The following DLG2 variants were observed in gnomAD, a reference collection of about 807,000 sequenced individuals.
The protein encoded by DLG2 is disks large homolog 2.
In DLG2, 45 loss-of-function variants were observed where a neutral mutation model predicts 132.5. The ratio of observed to expected loss-of-function variants is 0.34; its 90% CI spans 0.27 to 0.44. DLG2 has a LOEUF of 0.44. Ranked by LOEUF, DLG2 falls within the 20% of genes least tolerant of loss-of-function variation. DLG2 has a pLI of 1.00. For synonymous variants in DLG2, 424 were observed against 419.6 expected (o/e 1.01, Z -0.13); for missense variants, 1,045 against 1,196.9 (o/e 0.87, Z 1.87).
chr11:84,771,049 G>C (rs932527940), intron 6 of DLG2, among the ~76,000 whole-genome samples: 1 of 152,098 alleles, frequency 6.6e-6, no homozygotes, highest in African/African-American at 2.4e-5. Context: ...GGTTGATTCT[G>C]TCTTTTCTAT....
intron 6 of DLG2, among the ~76,000 whole-genome samples, chr11:85,012,987 G>C (rs2059279123): frequency 6.6e-6 from 1 of 152,090 alleles, no homozygotes; most frequent in Non-Finnish European, 1.5e-5. Flanking sequence ...GTTCATAGAA[G>C]GTCTTTTATC....
intron 8 of DLG2, among the ~76,000 whole-genome samples, chr11:84,218,255 A>AGGAG (rs1229661388): frequency 2.9e-5 from 4 of 140,106 alleles, no homozygotes; most frequent in Non-Finnish European, 3.2e-5. Context: ...GAAGGAAGGA[A>AGGAG]GGAGGGAGGG....
chr11:85,140,022 A>G (rs1362279649), intron 5 of DLG2, among the ~76,000 whole-genome samples: 2 of 152,054 alleles, frequency 1.3e-5, no homozygotes, highest in Admixed American at 1.3e-4. Context: ...GCTGAATATT[A>G]TTCCATATTA....
chr11:84,532,183 A>C (rs1430328546), intron 7 of DLG2, among the ~76,000 whole-genome samples: 1 of 142,374 alleles, frequency 7.0e-6, no homozygotes, highest in African/African-American at 2.7e-5. Flanking sequence ...TAATAGCACT[A>C]ATTATAAAAT....
intron 2 of DLG2, among the ~76,000 whole-genome samples, chr11:85,600,595 T>G (rs1470344615): frequency 6.6e-6 from 1 of 152,238 alleles, no homozygotes; most frequent in Non-Finnish European, 1.5e-5. Flanking sequence ...ATATTTTTAT[T>G]GGTTTTTACC....
chr11:83,543,015 T>A (rs933225843), intron 19 of DLG2, among the ~76,000 whole-genome samples: 13 of 152,296 alleles, frequency 8.5e-5, no homozygotes, highest in Non-Finnish European at 1.9e-4. Flanking sequence ...CTTCTTCTTT[T>A]TTTTGCCCAT....
chr11:84,091,380 C>T (rs2097091222), intron 10 of DLG2, among the ~76,000 whole-genome samples: 1 of 152,180 alleles, frequency 6.6e-6, no homozygotes, highest in Admixed American at 6.5e-5. Flanking sequence ...TCTCAGTCTC[C>T]ATCTCTGCTG....
At chr11:84,480,862 C>A (rs562246913) in intron 7 of DLG2, among the ~76,000 whole-genome samples, 1 of 151,652 alleles carries the variant, frequency 6.6e-6, no homozygotes, top group Non-Finnish European at 1.5e-5. Flanking sequence ...TCTCAGCCTC[C>A]TGAGTAGCTG....
At chr11:84,315,297 G>A (rs1394635916) in intron 7 of DLG2, among the ~76,000 whole-genome samples, 1 of 152,098 alleles carries the variant, frequency 6.6e-6, no homozygotes, top group Admixed American at 6.5e-5. Context: ...TTATAACCTA[G>A]TATTAGAGAT....
intron 18 of DLG2, among the ~76,000 whole-genome samples, chr11:83,680,096 T>G (rs2078494859): frequency 6.6e-6 from 1 of 152,202 alleles, no homozygotes; most frequent in Non-Finnish European, 1.5e-5. Flanking sequence ...TAAATTTAAT[T>G]GGGAATAACT....
intron 6 of DLG2, among the ~76,000 whole-genome samples, chr11:84,777,229 T>G (rs966568169): frequency 3.0e-5 from 2 of 66,260 alleles, no homozygotes; most frequent in Admixed American, 1.9e-4. Flanking sequence ...GTAATTTCAT[T>G]CTTTTTGCTG....
chr11:84,895,698 AT>A (rs1425052297), intron 6 of DLG2, among the ~76,000 whole-genome samples: 1 of 152,150 alleles, frequency 6.6e-6, no homozygotes, highest in African/African-American at 2.4e-5. Flanking sequence ...TCTTCCAAAA[AT>A]ATCTGTTTCT....
At chr11:83,696,893 C>G (rs562994386) in intron 18 of DLG2, among the ~76,000 whole-genome samples, 3 of 152,088 alleles carry the variant, frequency 2.0e-5, no homozygotes, top group African/African-American at 7.2e-5. Context: ...GAATATGTAC[C>G]AAGTCAAAAA....
chr11:84,903,510 GGAATCTTT>G (rs1427358375), intron 6 of DLG2, among the ~76,000 whole-genome samples: 2 of 152,074 alleles, frequency 1.3e-5, no homozygotes, highest in African/African-American at 4.8e-5. Context: ...CTCAGGGGCA[GGAATCTTT>G]CTTACTCATC....
chr11:85,193,727 T>C (rs1354400195), intron 4 of DLG2, among the ~76,000 whole-genome samples: 1 of 152,258 alleles, frequency 6.6e-6, no homozygotes, highest in African/African-American at 2.4e-5. Context: ...AATTGGATTG[T>C]ATTTTTATTG....
intron 4 of DLG2, among the ~76,000 whole-genome samples, chr11:85,275,941 A>T (rs1316474610): frequency 6.6e-6 from 1 of 152,182 alleles, no homozygotes; most frequent in East Asian, 1.9e-4. Context: ...GATTCTAGGT[A>T]AGGACAGTAC....
At chr11:83,671,297 G>A (rs1294413495) in intron 18 of DLG2, among the ~76,000 whole-genome samples, 1 of 152,170 alleles carries the variant, frequency 6.6e-6, no homozygotes, top group Non-Finnish European at 1.5e-5. Context: ...CATAAATTGA[G>A]ATTTATTTCT....
At chr11:84,808,852 T>C (rs756198068) in intron 6 of DLG2, among the ~76,000 whole-genome samples, 26 of 151,970 alleles carry the variant, frequency 1.7e-4, no homozygotes, top group Non-Finnish European at 3.5e-4. Context: ...TAGGCTCAGA[T>C]GATTTTACTG....
At chr11:83,876,947 A>C (rs1161304790) in intron 15 of DLG2, among the ~76,000 whole-genome samples, 2 of 152,134 alleles carry the variant, frequency 1.3e-5, no homozygotes, top group East Asian at 3.8e-4. Context: ...TGATAGTTGG[A>C]TATTTGGGTG....
Sources: allele counts gnomAD v4.1 joint callset (sites outside exome capture counted in the v4.1 genomes callset), GRCh38; gene constraint gnomAD v4.1.1; transcripts MANE v1.5; gene names NCBI Gene and HGNC (gene_info 2026-07-23, HGNC 2026-07-21).